LMO7: variants seen among roughly 807,000 people sequenced by gnomAD.
LMO7 encodes LIM domain only protein 7.
LMO7 carries 120 observed loss-of-function variants against 206.5 expected under a neutral mutation model. The observed-to-expected ratio is 0.58, with a 90% CI of 0.50 to 0.68. The LOEUF (loss-of-function observed/expected upper bound fraction) is 0.68. Among genes scored for constraint, LMO7 ranks in the 30% least tolerant of loss-of-function variants. The probability of loss-of-function intolerance (pLI) is 0.00; values close to 1 mark genes in which losing one functional copy is unlikely to be tolerated. For missense variants in LMO7, 1,959 were observed against 1,957.9 expected, an observed-to-expected ratio of 1.00 and a Z score of -0.01; for synonymous variants, 706 against 681.5, an observed-to-expected ratio of 1.04 and a Z score of -0.56.
chr13:75,839,958 A>C, intron 20 of LMO7, 127 bp from the exon 21 acceptor site: 1 of 823,416 alleles, frequency 1.2e-6, no homozygotes, highest in African/African-American at 1.7e-5. Flanking sequence ...ATTGTTTAAA[A>C]AAACATTGTC....
At chr13:75,719,919 C>G (rs2043876510) in intron 2 of LMO7, among the ~76,000 whole-genome samples, 2 of 152,180 alleles carry the variant, frequency 1.3e-5, no homozygotes, top group South Asian at 4.1e-4. Flanking sequence ...AACTGCCAAA[C>G]TCTTTCAAAA....
intron 1 of LMO7, among the ~76,000 whole-genome samples, chr13:75,662,358 A>G (rs2038684113): frequency 6.6e-6 from 1 of 152,336 alleles, no homozygotes; most frequent in Non-Finnish European, 1.5e-5. Flanking sequence ...TCACTCTGTC[A>G]CCCAGGCTGG....
upstream of LMO7, among the ~76,000 whole-genome samples, chr13:75,632,862 G>GTTTTTTTTTGTTTGTTTTTTTTTTTT (rs2035134633): frequency 9.8e-6 from 1 of 102,138 alleles, no homozygotes; most frequent in African/African-American, 4.0e-5. Flanking sequence ...TTACTTAAAA[G>GTTTTTTTTTGTTTGTTTTTTTTTTTT]TTTTTTTTTT....
rs140740070 is a variant in LMO7, at chr13:75,823,557, T to A, written c.2641-8T>A. 7.1e-4 allele frequency: 1,123 copies of A among 1,579,176 alleles called. 9 individuals carry two copies. In the African/African-American group the frequency reaches 0.013, roughly 19 times the overall value. ...ATATCAAGTTTAAAATGATGTTTTCTTATTTAGATGGATGATGCTTGGAAG... is the reference window on the plus strand; with the variant it reads ...ATATCAAGTTTAAAATGATGTTTTCATATTTAGATGGATGATGCTTGGAAG... On this transcript the variant is annotated splice_polypyrimidine_tract_variant and splice_region_variant and intron_variant, in intron 14 of 30. Coordinates refer to ENST00000377534, the MANE Select transcript of LMO7 (RefSeq NM_001306080.2).
intron 1 of LMO7, among the ~76,000 whole-genome samples, chr13:75,699,239 G>A (rs1286745613): frequency 6.6e-6 from 1 of 152,130 alleles, no homozygotes; most frequent in Non-Finnish European, 1.5e-5. Flanking sequence ...CTTGACTGCT[G>A]TCAATCAGAA....
Position 75,692,646 on chromosome 13 carries a change from T to C in LMO7, c.70-20536T>C, listed in dbSNP as rs181410645. On this transcript the variant is annotated intron_variant, in intron 1 of 30. Coordinates refer to ENST00000377534, the MANE Select transcript of LMO7 (RefSeq NM_001306080.2). ...TGCACTCGGCCATTTTTTTCCTAAT[T>C]ACTTTAGGATCCTGCATGCATGCTT... Among the ~76,000 whole-genome samples, 3 of 152,272 alleles carry C rather than the reference T, an allele frequency of 2.0e-5. No individual in the cohort carries two copies. In the East Asian group the frequency reaches 5.8e-4, roughly 29 times the overall value.
intron 2 of LMO7, among the ~76,000 whole-genome samples, chr13:75,717,950 A>C (rs553309314): frequency 6.6e-6 from 1 of 152,244 alleles, no homozygotes; most frequent in Non-Finnish European, 1.5e-5. Flanking sequence ...AATTTAGTGA[A>C]AACTGTTTTT....
chr13:75,821,089 A>G (rs570945755), intron 13 of LMO7, 88 bp from the exon 14 acceptor site: 154 of 925,466 alleles, frequency 1.7e-4, no homozygotes, highest in Non-Finnish European at 2.4e-4. Context: ...TTTTATTCCC[A>G]GTCCGTTTCA....
At chr13:75,805,810 A>G in intron 9 of LMO7, 50 bp downstream of exon 9, 1 of 1,568,080 alleles carries the variant, frequency 6.4e-7, no homozygotes, top group East Asian at 2.2e-5. Context: ...TCAGTACCCC[A>G]GCTGGGGTTC....
chr13:75,721,842 CATT>C (rs2044046601), intron 2 of LMO7, among the ~76,000 whole-genome samples: 1 of 152,188 alleles, frequency 6.6e-6, no homozygotes, highest in South Asian at 2.1e-4. Flanking sequence ...AAACAAAAAT[CATT>C]GTTTAAAATA....
chr13:75,684,232 C>A (rs1462629007), intron 1 of LMO7, among the ~76,000 whole-genome samples: 1 of 152,052 alleles, frequency 6.6e-6, no homozygotes, highest in Non-Finnish European at 1.5e-5. Context: ...AACTTTGTCA[C>A]CTTGAAATTT....
At chr13:75,734,482 G>A (rs1046145186) in intron 3 of LMO7, among the ~76,000 whole-genome samples, 1 of 152,210 alleles carries the variant, frequency 6.6e-6, no homozygotes, top group East Asian at 1.9e-4. Flanking sequence ...GTGCATTCAG[G>A]AAGCTTCTGT....
rs1478059189 is a variant in LMO7, at chr13:75,842,930, G to A, written c.4097+14G>A. ...TCCTGGTGACAGGTATGTAGAGCATGTTATTGTAATTTAATTGATGATAAT... is the reference window on the plus strand; with the variant it reads ...TCCTGGTGACAGGTATGTAGAGCATATTATTGTAATTTAATTGATGATAAT... On this transcript the variant is annotated intron_variant, in intron 25 of 30. Coordinates refer to ENST00000377534, the MANE Select transcript of LMO7 (RefSeq NM_001306080.2). The A allele has an allele frequency of 1.3e-6, 2 of 1,524,846 alleles. No individual in the cohort carries two copies. Among genetic ancestry groups the A allele is most frequent in the Non-Finnish European group, 9.1e-7 (1 of 1,100,764 alleles). 94.5% of individuals were successfully genotyped at this position (1,524,846 alleles called of 1,614,324 possible). A position where few individuals can be genotyped will look rare whatever the true frequency, so the allele number is the denominator to read the frequency against.
chr13:75,800,805 T>A lies in LMO7; in HGVS notation c.584T>A (p.Phe195Tyr), dbSNP rs1303404901. 6.2e-7 allele frequency: 1 copy of A among 1,614,132 alleles called. No individual in the cohort carries two copies. The change falls in exon 7 of 31, where the codon TTT becomes TAT. Residue 195 changes from phenylalanine to tyrosine, a missense_variant. By Grantham distance (22) the Phe-to-Tyr change is conservative (BLOSUM62 3). Coordinates refer to ENST00000377534, the MANE Select transcript of LMO7 (RefSeq NM_001306080.2). ...AGGCACCATAAGAGAGAAGATTCCT[T>A]TGAAAGCTTGGACTCTTTGGGCTCG... The part of the protein sequence containing the change: ...PPRHHKREDS[F>Y]ESLDSLGSRS...
intron 6 of LMO7, among the ~76,000 whole-genome samples, chr13:75,797,665 C>G (rs1419873474): frequency 1.3e-5 from 2 of 152,124 alleles, no homozygotes; most frequent in Non-Finnish European, 2.9e-5. Flanking sequence ...AAATTTTAGG[C>G]CAGGATGAAC....
chr13:75,707,080 T>A (rs2042713766), intron 1 of LMO7, among the ~76,000 whole-genome samples: 1 of 151,812 alleles, frequency 6.6e-6, no homozygotes, highest in Admixed American at 6.6e-5. Context: ...ATGGGAGATT[T>A]AGTAAATTGA....
intron 11 of LMO7, among the ~76,000 whole-genome samples, chr13:75,813,684 C>T (rs150313721): frequency 6.6e-6 from 1 of 152,166 alleles, no homozygotes; most frequent in Non-Finnish European, 1.5e-5. Context: ...CCAGGCTGTG[C>T]TCCGTGTTGG....
At chr13:75,712,675 A>G (rs2043213453) in intron 1 of LMO7, among the ~76,000 whole-genome samples, 1 of 152,196 alleles carries the variant, frequency 6.6e-6, no homozygotes, top group Non-Finnish European at 1.5e-5. Flanking sequence ...TCTTTACATC[A>G]ATTAGGACGA....
chr13:75,770,840 T>C (rs2049547094), intron 4 of LMO7, among the ~76,000 whole-genome samples: 1 of 152,156 alleles, frequency 6.6e-6, no homozygotes, highest in Non-Finnish European at 1.5e-5. Context: ...ATGCCTGAAT[T>C]GCAATGAGGC....
Sources: gnomAD v4.1 joint callset for allele counts (sites outside exome capture counted in the v4.1 genomes callset) on GRCh38, gnomAD v4.1.1 for gene constraint, MANE v1.5 for transcripts, NCBI Gene and HGNC (gene_info 2026-07-23, HGNC 2026-07-21) for gene names.